RBFOX1: variants seen among roughly 807,000 people sequenced by gnomAD.
The protein encoded by RBFOX1 is RNA binding protein fox-1 homolog 1.
A neutral mutation model predicts 57.7 loss-of-function variants in RBFOX1; 8 were observed. The ratio of observed to expected loss-of-function variants is 0.14; its 90% CI spans 0.08 to 0.25. RBFOX1 has a LOEUF of 0.25. RBFOX1 is among the 10% of genes least tolerant of loss of function. The pLI is 1.00. For missense variants in RBFOX1, 611 were observed against 548.5 expected, an observed-to-expected ratio of 1.11 and a Z score of -1.14; for synonymous variants, 326 against 222.4, an observed-to-expected ratio of 1.47 and a Z score of -4.15.
At chr16:7,368,613 C>A (rs895289627) in intron 4 of RBFOX1, among the ~76,000 whole-genome samples, 20 of 151,618 alleles carry the variant, frequency 1.3e-4, no homozygotes, top group African/African-American at 4.8e-4. Context: ...CCCCTGTCTA[C>A]TAAAAATACA....
intron 4 of RBFOX1, among the ~76,000 whole-genome samples, chr16:7,278,213 A>C (rs1346009458): frequency 6.6e-6 from 1 of 152,222 alleles, no homozygotes; most frequent in Non-Finnish European, 1.5e-5. Context: ...GCATTCAACA[A>C]ATTAACCAGT....
intron 3 of RBFOX1, among the ~76,000 whole-genome samples, chr16:7,028,442 C>T (rs1320908839): frequency 6.6e-6 from 1 of 151,788 alleles, no homozygotes; most frequent in Non-Finnish European, 1.5e-5. Flanking sequence ...ATAAAATTAG[C>T]TGGGCGTGGT....
intron 3 of RBFOX1, among the ~76,000 whole-genome samples, chr16:6,931,340 T>TCTATCTACACAC (rs139959481): frequency 1.1e-3 from 120 of 106,996 alleles, no homozygotes; most frequent in African/African-American, 3.8e-3. Flanking sequence ...TATCTATCTC[T>TCTATCTACACAC]ACACACACAC....
chr16:7,120,922 T>G (rs990837398), intron 4 of RBFOX1, among the ~76,000 whole-genome samples: 1 of 150,208 alleles, frequency 6.7e-6, no homozygotes, highest in African/African-American at 2.5e-5. Flanking sequence ...CATGACCACA[T>G]AGTATTAGTC....
intron 4 of RBFOX1, among the ~76,000 whole-genome samples, chr16:7,094,134 A>T (rs1420607670): frequency 6.6e-6 from 1 of 151,330 alleles, no homozygotes; most frequent in Non-Finnish European, 1.5e-5. Flanking sequence ...TGTTTCACTT[A>T]CCTTTAGAAA....
At chr16:5,906,629 A>T (rs2058462849) in intron 4 of RBFOX1, among the ~76,000 whole-genome samples, 1 of 148,550 alleles carries the variant, frequency 6.7e-6, no homozygotes, top group Admixed American at 6.7e-5. Context: ...CTGGACTGGG[A>T]GTCGGGACAT....
chr16:6,679,407 C>T (rs1314604960), intron 3 of RBFOX1, among the ~76,000 whole-genome samples: 1 of 152,080 alleles, frequency 6.6e-6, no homozygotes, highest in Admixed American at 6.6e-5. Context: ...GGAGACTTCT[C>T]CATGCTTGCT....
intron 1 of RBFOX1, among the ~76,000 whole-genome samples, chr16:5,387,789 G>A (rs2066296625): frequency 6.6e-6 from 1 of 152,182 alleles, no homozygotes; most frequent in Middle Eastern, 3.2e-3. Flanking sequence ...TGTTGTGGGT[G>A]GAATTAAGGT....
intron 3 of RBFOX1, among the ~76,000 whole-genome samples, chr16:7,050,935 G>T (rs191899103): frequency 6.6e-6 from 1 of 151,970 alleles, no homozygotes; most frequent in African/African-American, 2.4e-5. Flanking sequence ...TAGATTTGGG[G>T]CTCTGGTGCA....
intron 9 of RBFOX1, among the ~76,000 whole-genome samples, chr16:7,605,817 C>T (rs1162816353): frequency 6.6e-6 from 1 of 152,178 alleles, no homozygotes; most frequent in Non-Finnish European, 1.5e-5. Flanking sequence ...GGACTACACA[C>T]CTTACCCTCC....
intron 2 of RBFOX1, among the ~76,000 whole-genome samples, chr16:6,644,692 C>T (rs1277941167): frequency 6.6e-6 from 1 of 152,178 alleles, no homozygotes; most frequent in South Asian, 2.1e-4. Context: ...GAGTGAATGA[C>T]TGCAATAATC....
intron 6 of RBFOX1, among the ~76,000 whole-genome samples, chr16:7,580,534 G>A (rs537319579): frequency 1.3e-5 from 2 of 152,126 alleles, no homozygotes; most frequent in African/African-American, 4.8e-5. Context: ...AAAGGATTCA[G>A]AGGTACTTAC....
At chr16:5,721,731 T>C (rs1024410538) in intron 3 of RBFOX1, among the ~76,000 whole-genome samples, 1 of 152,192 alleles carries the variant, frequency 6.6e-6, no homozygotes, top group African/African-American at 2.4e-5. Flanking sequence ...AATCATGACA[T>C]TTTGGTTCTT....
At chr16:7,002,811 G>A (rs1260896223) in intron 3 of RBFOX1, among the ~76,000 whole-genome samples, 3 of 152,186 alleles carry the variant, frequency 2.0e-5, no homozygotes, top group Admixed American at 2.0e-4. Context: ...TGTTGTGGTA[G>A]ATGCTATATA....
chr16:6,721,619 C>A lies in RBFOX1; in HGVS notation c.-16+66969C>A, dbSNP rs1203214045. Among the ~76,000 whole-genome samples the A allele has an allele frequency of 2.0e-5, 3 of 152,166 alleles. No homozygotes were observed. The South Asian group carries it at 6.2e-4, about 32-fold the overall frequency. ...TCCTTACCCTCCAGCTCCTGGCAAC[C>A]ACCATTCCACTTTCCCTCTTTGTGA... On this transcript the variant is annotated intron_variant, in intron 3 of 15. Transcript: ENST00000550418.
At chr16:7,271,684 A>T (rs1310644701) in intron 4 of RBFOX1, among the ~76,000 whole-genome samples, 2 of 152,092 alleles carry the variant, frequency 1.3e-5, no homozygotes, top group African/African-American at 2.4e-5. Context: ...AGATGTCGGG[A>T]AACAGTGATT....
In RBFOX1 at chr16:6,741,085, T is replaced by C. The variant is rs967952765; in HGVS notation, c.-16+86435T>C. Among the ~76,000 whole-genome samples, 5 of 152,292 alleles carry C rather than the reference T, an allele frequency of 3.3e-5. No individual in the cohort carries two copies. In the East Asian group the frequency reaches 9.7e-4, roughly 29 times the overall value. The stretch of plus-strand genomic sequence containing the variant: ...GCCCCAGACAACATTGACCAGCTGA[T>C]TTTTGCCAGTAATGCAAAAGCAATT... On this transcript the variant is annotated intron_variant, in intron 3 of 15. Transcript: ENST00000550418.
intron 4 of RBFOX1, among the ~76,000 whole-genome samples, chr16:7,418,790 T>TA (rs377515410): frequency 7.0e-5 from 5 of 71,620 alleles, no homozygotes; most frequent in Admixed American, 3.1e-4. Context: ...ATCTCTGTCT[T>TA]TCTCTGTCTT....
chr16:7,456,323 A>G (rs1250823040), intron 4 of RBFOX1, among the ~76,000 whole-genome samples: 3 of 152,182 alleles, frequency 2.0e-5, no homozygotes, highest in Non-Finnish European at 4.4e-5. Context: ...CTGTGTGTGG[A>G]TTCTCATTGT....
Sources: gnomAD v4.1 joint callset for allele counts (sites outside exome capture counted in the v4.1 genomes callset) on GRCh38, gnomAD v4.1.1 for gene constraint, MANE v1.5 for transcripts, NCBI Gene and HGNC (gene_info 2026-07-23, HGNC 2026-07-21) for gene names.